FAM111B: variants seen among roughly 807,000 people sequenced by gnomAD.
FAM111B encodes the protein FAM111 trypsin like peptidase B.
In FAM111B, 1 loss-of-function variant was observed where a neutral mutation model predicts 2.8. The observed-to-expected ratio is 0.36, with a 90% CI of 0.13 to 1.70. The LOEUF (loss-of-function observed/expected upper bound fraction) is 1.70, where lower values mean the gene tolerates loss of function less well. Among genes scored for constraint, FAM111B ranks in the 40% most tolerant of loss-of-function variants. The pLI, the probability that FAM111B is intolerant of heterozygous loss-of-function variation, is 0.35. For missense variants in FAM111B, 882 were observed against 878.9 expected (o/e 1.00, Z -0.04); for synonymous variants, 297 against 295.6 (o/e 1.00, Z -0.05).
At chr11:59,113,782 C>T (rs1428621658) in intron 3 of FAM111B, among the ~76,000 whole-genome samples, 5 of 152,188 alleles carry the variant, frequency 3.3e-5, no homozygotes, top group Non-Finnish European at 5.9e-5. Flanking sequence ...CAACAGTCTG[C>T]CCGGCACATT....
At position 59,124,802 on chromosome 11, in the gene FAM111B, A is replaced by G. The variant is rs748350402; in HGVS notation, c.705A>G (p.Ile235Met). Residue 235 changes from isoleucine to methionine, a missense_variant, in exon 4 of 4, where the codon ATA becomes ATG. By Grantham distance (10) the Ile-to-Met change is conservative. Transcript: ENST00000343597. ...AGGATGGCCGTTTTCGGTCTGACATAGGTGAATTTGAATGGAAACTAAAGG... is the reference window on the plus strand; with the variant it reads ...AGGATGGCCGTTTTCGGTCTGACATGGGTGAATTTGAATGGAAACTAAAGG... ...LCKDGRFRSD[I>M]GEFEWKLKEG... The G allele has an allele frequency of 3.7e-6, 6 of 1,613,892 alleles. No individual in the cohort carries two copies. Among genetic ancestry groups the G allele is most frequent in the Non-Finnish European group, 5.1e-6 (6 of 1,179,840 alleles).
intron 3 of FAM111B, among the ~76,000 whole-genome samples, chr11:59,114,009 G>A (rs1316560744): frequency 6.6e-6 from 1 of 152,200 alleles, no homozygotes; most frequent in Non-Finnish European, 1.5e-5. Context: ...AGATTATCCA[G>A]GAAACAGACA....
In FAM111B at chr11:59,109,654, A is replaced by G. The variant is rs1859727198; in HGVS notation, c.29A>G (p.Lys10Arg). Residue 10 changes from lysine to arginine, a missense_variant, in exon 3 of 4, where the codon AAG becomes AGG. Coordinates refer to ENST00000343597, the MANE Select transcript of FAM111B (RefSeq NM_198947.4). The stretch of plus-strand genomic sequence containing the variant: ...AATTCCATGAAGACTGAAGAAAACA[A>G]GTCATTTAGCGCTATGGAAGATGAC... MNSMKTEEN[K>R]SFSAMEDDQR... 1 of 1,611,872 alleles carries G rather than the reference A, an allele frequency of 6.2e-7. No homozygotes were observed. The highest frequency in any genetic ancestry group is 8.5e-7 in the Non-Finnish European group (1 of 1,178,876).
At chr11:59,110,621 G>C (rs902982715) in intron 3 of FAM111B, among the ~76,000 whole-genome samples, 2 of 152,064 alleles carry the variant, frequency 1.3e-5, no homozygotes, top group Non-Finnish European at 2.9e-5. Flanking sequence ...CATAGATTGT[G>C]GTGATAATGT....
chr11:59,120,365 T>C (rs896144043), intron 3 of FAM111B, among the ~76,000 whole-genome samples: 1 of 152,240 alleles, frequency 6.6e-6, no homozygotes, highest in Non-Finnish European at 1.5e-5. Flanking sequence ...TTCATATGTT[T>C]AAATCCTAAT....
chr11:59,122,031 T>C (rs1407854386), intron 3 of FAM111B, among the ~76,000 whole-genome samples: 9 of 152,294 alleles, frequency 5.9e-5, no homozygotes, highest in Admixed American at 5.9e-4. Context: ...TAATCCCAGC[T>C]ACTCAGGAGG....
intron 3 of FAM111B, among the ~76,000 whole-genome samples, chr11:59,122,509 A>G (rs997927367): frequency 6.6e-6 from 1 of 152,220 alleles, no homozygotes. Context: ...ACAGTTTTTT[A>G]AAAACACAGT....
chr11:59,124,858 C>G lies in FAM111B; in HGVS notation c.761C>G (p.Ser254Cys). The change falls in exon 4 of 4, where the codon TCC becomes TGC. Residue 254 changes from serine (S) to cysteine (C), a missense_variant. Ser to Cys is a moderately radical substitution (Grantham distance 112). Transcript: ENST00000343597. ...EGHKKIYGKQ[S>C]MVDEVSGKVL... Reference sequence around the variant, plus strand: ...CATAAGAAAATTTATGGAAAACAGTCCATGGTGGATGAAGTATCTGGAAAA... The same window carrying G: ...CATAAGAAAATTTATGGAAAACAGTGCATGGTGGATGAAGTATCTGGAAAA... 1.2e-6 allele frequency: 2 copies of G among 1,612,950 alleles called. No homozygotes were observed. Among genetic ancestry groups the G allele is most frequent in the Non-Finnish European group, 1.7e-6 (2 of 1,179,608 alleles).
At chr11:59,107,850 G>A (rs1859689361) in intron 1 of FAM111B, among the ~76,000 whole-genome samples, 1 of 152,194 alleles carries the variant, frequency 6.6e-6, no homozygotes, top group Non-Finnish European at 1.5e-5. Flanking sequence ...ATGGTAATCA[G>A]CAAGGATTCA....
intron 3 of FAM111B, among the ~76,000 whole-genome samples, chr11:59,113,926 C>T (rs1279319279): frequency 6.6e-6 from 1 of 152,216 alleles, no homozygotes; most frequent in Non-Finnish European, 1.5e-5. Context: ...CCAGCTTCTA[C>T]TTTAGGGACT....
intron 3 of FAM111B, among the ~76,000 whole-genome samples, chr11:59,119,901 T>A (rs541688347): frequency 6.6e-6 from 1 of 152,166 alleles, no homozygotes; most frequent in Non-Finnish European, 1.5e-5. Context: ...TCATGAAATA[T>A]CCACAGATGG....
chr11:59,115,605 C>A (rs1402893657), intron 3 of FAM111B, among the ~76,000 whole-genome samples: 1 of 152,136 alleles, frequency 6.6e-6, no homozygotes, highest in Non-Finnish European at 1.5e-5. Flanking sequence ...GGTCTTTTTG[C>A]TGTTTTAAAC....
At chr11:59,108,226 A>C (rs1418912148) in intron 1 of FAM111B, among the ~76,000 whole-genome samples, 1 of 152,262 alleles carries the variant, frequency 6.6e-6, no homozygotes, top group African/African-American at 2.4e-5. Context: ...TCTAGAAATG[A>C]GGAAATGGGG....
Position 59,111,677 on chromosome 11 carries a change from G to A in FAM111B, c.81+1971G>A, listed in dbSNP as rs572593834. 6.6e-5 allele frequency among the ~76,000 whole-genome samples: 10 copies of A among 152,268 alleles called. No homozygotes were observed. The South Asian group carries it at 1.2e-3, about 19-fold the overall frequency. On this transcript the variant is annotated intron_variant, in intron 3 of 3. Coordinates refer to ENST00000343597, the MANE Select transcript of FAM111B (RefSeq NM_198947.4). ...AAGTACTTAAGAACCACATGTGGCT[G>A]TGGAATTAGACAGTGCAGATGTAGA...
rs1197611172 is a variant in FAM111B, at chr11:59,109,525, T to G, written c.-86-15T>G. ...AGTGGTTATTTCATAGATCTTGTTT[T>G]TTTGGTTTTTTTAGACATTTCAGGT... On this transcript the variant is annotated splice_polypyrimidine_tract_variant and intron_variant, in intron 2 of 3. Transcript: ENST00000343597. 38 of 725,980 alleles carry G rather than the reference T, an allele frequency of 5.2e-5. No individual in the cohort carries two copies. The highest frequency in any genetic ancestry group is 8.4e-5 in the Non-Finnish European group (38 of 454,098). The allele number at this position is 725,980 out of a possible 1,614,324, so 45.0% of individuals were successfully genotyped here. A position where few individuals can be genotyped will look rare whatever the true frequency, so the allele number is the denominator to read the frequency against.
Position 59,125,650 on chromosome 11 carries a change from C to G in FAM111B, c.1553C>G (p.Thr518Ser), listed in dbSNP as rs771169485. 1 of 1,613,928 alleles carries G rather than the reference C, an allele frequency of 6.2e-7. No homozygotes were observed. Among genetic ancestry groups the G allele is most frequent in the Admixed American group, 1.7e-5 (1 of 60,006 alleles). Residue 518 changes from threonine to serine, a missense_variant, in exon 4 of 4, where the codon ACT becomes AGT. Coordinates refer to ENST00000343597, the MANE Select transcript of FAM111B (RefSeq NM_198947.4). The stretch of plus-strand genomic sequence containing the variant: ...AGCAAATGTGCGAAGGTAACCTTCA[C>G]TTATACAGAGTTCTGCCCTACTCCT... The part of the protein sequence containing the change: ...IISKCAKVTF[T>S]YTEFCPTPDN...
chr11:59,108,996 C>G (rs190860434), intron 2 of FAM111B, among the ~76,000 whole-genome samples: 2 of 152,038 alleles, frequency 1.3e-5, no homozygotes, highest in Admixed American at 1.3e-4. Context: ...TAGGTGGGAG[C>G]AGAACTAGGG....
At chr11:59,111,571 A>T (rs1402258587) in intron 3 of FAM111B, among the ~76,000 whole-genome samples, 2 of 152,182 alleles carry the variant, frequency 1.3e-5, no homozygotes, top group Admixed American at 1.3e-4. Context: ...TGATTATGTA[A>T]ATTTAAATTT....
At position 59,124,317 on chromosome 11, in the gene FAM111B, T is replaced by A; in HGVS notation, c.220T>A (p.Leu74Met). ...AGCCCTTGAAATGCAGAATCCAAAT[T>A]TGAACAATAAAGAATGTTGTTTCAC... ...ETALEMQNPN[L>M]NNKECCFTFT... The change falls in exon 4 of 4, where the codon TTG becomes ATG. Residue 74 changes from leucine (L) to methionine (M), a missense_variant. Leu to Met is a conservative substitution (Grantham distance 15). Coordinates refer to ENST00000343597, the MANE Select transcript of FAM111B (RefSeq NM_198947.4). The A allele has an allele frequency of 6.2e-7, 1 of 1,613,796 alleles. No homozygotes were observed. Among genetic ancestry groups the A allele is most frequent in the East Asian group, 2.2e-5 (1 of 44,874 alleles).
Sources: allele counts gnomAD v4.1 joint callset (sites outside exome capture counted in the v4.1 genomes callset), GRCh38; gene constraint gnomAD v4.1.1; transcripts MANE v1.5; gene names NCBI Gene and HGNC (gene_info 2026-07-23, HGNC 2026-07-21).